Variants in ATRNL1 observed in about 807,000 individuals in gnomAD.
ATRNL1 encodes the protein attractin like 1.
ATRNL1 carries 95 observed loss-of-function variants against 182.7 expected under a neutral mutation model. That is an observed-to-expected ratio of 0.52 (90% CI 0.44 to 0.62). The LOEUF is 0.62. ATRNL1 is among the 20% of genes least tolerant of loss of function. The probability of loss-of-function intolerance (pLI) is 0.00; values close to 1 mark genes in which losing one functional copy is unlikely to be tolerated. For synonymous variants in ATRNL1, 576 were observed against 568.3 expected (o/e 1.01, Z -0.19); for missense variants, 1,471 against 1,679.5 (o/e 0.88, Z 2.17).
intron 26 of ATRNL1, among the ~76,000 whole-genome samples, chr10:115,690,793 G>A (rs1444582684): frequency 2.0e-5 from 3 of 152,196 alleles, no homozygotes; most frequent in Non-Finnish European, 2.9e-5. Flanking sequence ...GAGTGACAAT[G>A]TGCAAGTCCT....
intron 25 of ATRNL1, among the ~76,000 whole-genome samples, chr10:115,537,160 T>C (rs1852080242): frequency 6.6e-6 from 1 of 152,220 alleles, no homozygotes; most frequent in Non-Finnish European, 1.5e-5. Flanking sequence ...CCAAAATATT[T>C]AATGCGGTGG....
chr10:115,494,501 T>C (rs896536851), intron 24 of ATRNL1, among the ~76,000 whole-genome samples: 3 of 152,210 alleles, frequency 2.0e-5, no homozygotes, highest in Non-Finnish European at 2.9e-5. Flanking sequence ...TCTTGTTATT[T>C]CAAGGTATGT....
At chr10:115,521,946 G>A (rs1157806254) in intron 25 of ATRNL1, among the ~76,000 whole-genome samples, 1 of 152,126 alleles carries the variant, frequency 6.6e-6, no homozygotes, top group Non-Finnish European at 1.5e-5. Context: ...CATTTTTACT[G>A]TTATTGCTGT....
intron 17 of ATRNL1, among the ~76,000 whole-genome samples, chr10:115,303,965 G>A (rs1432350079): frequency 1.3e-5 from 2 of 152,096 alleles, no homozygotes; most frequent in Non-Finnish European, 2.9e-5. Flanking sequence ...TCTTTATCCC[G>A]ATTCTAATTC....
intron 26 of ATRNL1, among the ~76,000 whole-genome samples, chr10:115,724,083 A>G (rs1947520326): frequency 6.6e-6 from 1 of 152,186 alleles, no homozygotes; most frequent in Non-Finnish European, 1.5e-5. Flanking sequence ...TATAAAACAG[A>G]CACATCTGCT....
rs1392262878 is a variant in ATRNL1, at chr10:115,549,473, A to G, written c.3732A>G (p.Leu1244=). 2 of 1,600,724 alleles carry G rather than the reference A, an allele frequency of 1.2e-6. No individual in the cohort carries two copies. Among genetic ancestry groups the G allele is most frequent in the East Asian group, 2.3e-5 (1 of 44,150 alleles). ...TATTTTCCAGTTGTTTCCTATCCTTATTGCTGGTGGCTGCTGTGGTATGGA... is the reference window on the plus strand; with the variant it reads ...TATTTTCCAGTTGTTTCCTATCCTTGTTGCTGGTGGCTGCTGTGGTATGGA... The part of the protein sequence containing the change: ...FVTFFSCFLS[L]LLVAAVVWKI... Residue 1244 remains leucine, a synonymous_variant, in exon 26 of 29, where the codon TTA becomes TTG. Transcript: ENST00000355044.
chr10:115,554,008 TTTAGGTGGATAAATTC>T (rs1853161626), intron 26 of ATRNL1, among the ~76,000 whole-genome samples: 1 of 151,518 alleles, frequency 6.6e-6, no homozygotes, highest in Admixed American at 6.6e-5. Flanking sequence ...AAAGTGTTAT[TTTAGGTGGATAAATTC>T]AAATTAACTG....
intron 26 of ATRNL1, among the ~76,000 whole-genome samples, chr10:115,670,552 A>G (rs1361733932): frequency 2.0e-5 from 3 of 152,272 alleles, no homozygotes; most frequent in African/African-American, 2.4e-5. Context: ...CTCTAACACT[A>G]TCTTAACCAG....
At chr10:115,575,991 C>T (rs1344567878) in intron 26 of ATRNL1, among the ~76,000 whole-genome samples, 2 of 152,046 alleles carry the variant, frequency 1.3e-5, no homozygotes, top group Non-Finnish European at 2.9e-5. Flanking sequence ...TGAGATCATG[C>T]AGTACTTTTC....
chr10:115,152,269 G>C (rs1278834204), intron 5 of ATRNL1, among the ~76,000 whole-genome samples: 1 of 152,318 alleles, frequency 6.6e-6, no homozygotes, highest in Middle Eastern at 3.4e-3. Flanking sequence ...TTGGTAGCTT[G>C]ATGGGGATGG....
At chr10:115,505,854 T>A (rs1850086241) in intron 24 of ATRNL1, among the ~76,000 whole-genome samples, 2 of 151,936 alleles carry the variant, frequency 1.3e-5, no homozygotes, top group Admixed American at 1.3e-4. Flanking sequence ...AATCTCATTA[T>A]CATATTTCAG....
intron 9 of ATRNL1, among the ~76,000 whole-genome samples, chr10:115,239,331 C>T (rs1431467376): frequency 7.2e-5 from 11 of 152,204 alleles, no homozygotes; most frequent in African/African-American, 2.4e-4. Context: ...CTCCCGGGTT[C>T]AAGCGATTCT....
intron 15 of ATRNL1, 84 bp from the exon 16 acceptor site, chr10:115,299,950 A>G: frequency 2.2e-6 from 2 of 929,032 alleles, no homozygotes; most frequent in South Asian, 1.7e-5. Flanking sequence ...TATAATTTTT[A>G]ATGATAGTGA....
intron 10 of ATRNL1, among the ~76,000 whole-genome samples, chr10:115,260,477 G>A (rs1554908502): frequency 6.6e-6 from 1 of 152,154 alleles, no homozygotes; most frequent in African/African-American, 2.4e-5. Context: ...AATCCCAGAG[G>A]TCAACATGTC....
At chr10:115,127,746 C>G in intron 4 of ATRNL1, 25 bp downstream of exon 4, 2 of 1,338,320 alleles carry the variant, frequency 1.5e-6, no homozygotes, top group Non-Finnish European at 2.0e-6. Flanking sequence ...AAAATTCCTT[C>G]TTTTAATGAT....
chr10:115,675,526 C>A (rs1393901353), intron 26 of ATRNL1, among the ~76,000 whole-genome samples: 1 of 152,082 alleles, frequency 6.6e-6, no homozygotes, highest in African/African-American at 2.4e-5. Flanking sequence ...GCCTTATGTT[C>A]TTGCTTGTCT....
At chr10:115,207,608 A>G (rs1425047215) in intron 8 of ATRNL1, among the ~76,000 whole-genome samples, 5 of 151,852 alleles carry the variant, frequency 3.3e-5, no homozygotes, top group African/African-American at 9.7e-5. Context: ...TGCTGAGTGT[A>G]GAATTCTATT....
chr10:115,725,649 A>G (rs564516318), intron 26 of ATRNL1, among the ~76,000 whole-genome samples: 1 of 152,294 alleles, frequency 6.6e-6, no homozygotes, highest in South Asian at 2.1e-4. Flanking sequence ...TAGGAAGGGT[A>G]GATTGTATAT....
intron 26 of ATRNL1, among the ~76,000 whole-genome samples, chr10:115,658,811 T>C (rs10885762): frequency 0.62 from 94,703 of 152,016 alleles, 30,722 homozygotes; most frequent in East Asian, 0.96. Context: ...AAGACATACT[T>C]GAGACTGGGT....
Sources: allele counts gnomAD v4.1 joint callset (sites outside exome capture counted in the v4.1 genomes callset), GRCh38; gene constraint gnomAD v4.1.1; transcripts MANE v1.5; gene names NCBI Gene and HGNC (gene_info 2026-07-23, HGNC 2026-07-21).